SFXN4: variants seen among roughly 807,000 people sequenced by gnomAD.
SFXN4 encodes sideroflexin 4.
Under a neutral mutation model 54.6 loss-of-function variants are expected in SFXN4, and 48 were observed. That is an observed-to-expected ratio of 0.88 (90% CI 0.70 to 1.12). The LOEUF is 1.12. Among genes scored for constraint, SFXN4 ranks in the 50% most tolerant of loss-of-function variants. The pLI is 0.00. For missense variants in SFXN4, 383 were observed against 409.2 expected (o/e 0.94, Z 0.55); for synonymous variants, 130 against 145.5 (o/e 0.89, Z 0.77).
intron 11 of SFXN4, among the ~76,000 whole-genome samples, chr10:119,150,352 G>A (rs753405318): frequency 6.6e-6 from 1 of 152,004 alleles, no homozygotes; most frequent in Non-Finnish European, 1.5e-5. Context: ...ACCAAGCCTG[G>A]CAGGCAGGAG....
intron 13 of SFXN4, among the ~76,000 whole-genome samples, chr10:119,145,257 TGAAAC>T (rs1307850214): frequency 4.0e-5 from 6 of 151,442 alleles, no homozygotes; most frequent in Non-Finnish European, 8.8e-5. Flanking sequence ...TGATCCTCAC[TGAAAC>T]TGATGACTCA....
At chr10:119,159,628 G>T in intron 6 of SFXN4, 100 bp downstream of exon 6, 1 of 1,265,890 alleles carries the variant, frequency 7.9e-7, no homozygotes, top group South Asian at 1.2e-5. Flanking sequence ...GCAGTCATGT[G>T]ACAGGGGTCC....
intron 11 of SFXN4, among the ~76,000 whole-genome samples, chr10:119,152,753 G>A (rs1847121523): frequency 6.6e-6 from 1 of 151,730 alleles, no homozygotes; most frequent in South Asian, 2.1e-4. Flanking sequence ...TAATATGTTT[G>A]GTGAGCTGAA....
intron 10 of SFXN4, 150 bp from the exon 11 acceptor site, chr10:119,155,327 G>A: frequency 1.6e-6 from 1 of 612,732 alleles, no homozygotes; most frequent in Middle Eastern, 3.0e-4. Flanking sequence ...CCATAGGCTG[G>A]GCCAACCAAG....
chr10:119,146,926 G>A (rs972675174), intron 12 of SFXN4, among the ~76,000 whole-genome samples: 7 of 152,080 alleles, frequency 4.6e-5, no homozygotes, highest in African/African-American at 1.2e-4. Context: ...TCCCAGCCTC[G>A]CCACACTGGT....
chr10:119,161,077 T>C lies in SFXN4; in HGVS notation c.257A>G (p.Gln86Arg). ...TACAAGACTCCGCTTCCAAGCTTCT[T>C]GTATCTTAAAGGAGAAAAAAGAATA... The part of the protein sequence containing the change: ...SSPASADQRI[Q>R]EAWKRSLATV... Residue 86 changes from glutamine (Q) to arginine (R), a missense_variant, in exon 4 of 14, where the codon CAA becomes CGA. Physicochemically the swap from Gln to Arg is conservative, Grantham distance 43. Coordinates refer to ENST00000355697, the MANE Select transcript of SFXN4 (RefSeq NM_213649.2). 1.9e-6 allele frequency: 3 copies of C among 1,614,100 alleles called. No homozygotes were observed. Among genetic ancestry groups the C allele is most frequent in the Non-Finnish European group, 1.7e-6 (2 of 1,179,942 alleles).
At chr10:119,158,241 AC>A (rs1847356663) in intron 6 of SFXN4, 179 bp from the exon 7 acceptor site, 1 of 634,102 alleles carries the variant, frequency 1.6e-6, no homozygotes, top group Non-Finnish European at 2.8e-6. Context: ...CACCTGCCAA[AC>A]ACCAAACTAG....
chr10:119,150,828 G>A (rs1233088948), intron 11 of SFXN4, among the ~76,000 whole-genome samples: 3 of 152,194 alleles, frequency 2.0e-5, no homozygotes, highest in Non-Finnish European at 4.4e-5. Flanking sequence ...GCAAGTGAAT[G>A]TCGGAGCAGC....
intron 13 of SFXN4, among the ~76,000 whole-genome samples, chr10:119,141,989 G>GT (rs1846546713): frequency 6.6e-6 from 1 of 152,144 alleles, no homozygotes; most frequent in Non-Finnish European, 1.5e-5. Context: ...ATTGCTTGAG[G>GT]TGGGGAGTTT....
At chr10:119,156,279 T>C (rs1208530982) in intron 10 of SFXN4, among the ~76,000 whole-genome samples, 2 of 151,964 alleles carry the variant, frequency 1.3e-5, no homozygotes, top group African/African-American at 4.8e-5. Context: ...AAAAAAACAA[T>C]TAGCTGGACA....
chr10:119,150,302 G>C (rs562900490), intron 11 of SFXN4, among the ~76,000 whole-genome samples: 2 of 152,186 alleles, frequency 1.3e-5, no homozygotes, highest in East Asian at 3.9e-4. Flanking sequence ...TGGGGAGACG[G>C]GGCTCTCACT....
Position 119,156,685 on chromosome 10 carries a change from G to A in SFXN4, c.609C>T (p.Ile203=), listed in dbSNP as rs775336417. ...GPWIKRLLPV[I]FLVQASGMNV... is the part of the protein sequence containing the mutation. Reference sequence around the variant, plus strand: ...CCAGCCCTTCCTGCTCACCGAGGAAGATCACAGGTAAGAGTCTTTTAATCC... The same window carrying A: ...CCAGCCCTTCCTGCTCACCGAGGAAAATCACAGGTAAGAGTCTTTTAATCC... Residue 203 remains isoleucine, a synonymous_variant, in exon 10 of 14, where the codon ATC becomes ATT. Transcript: ENST00000355697. The A allele has an allele frequency of 1.2e-5, 19 of 1,609,464 alleles. No homozygotes were observed. The highest frequency in any genetic ancestry group is 1.5e-5 in the Non-Finnish European group (18 of 1,177,446).
Position 119,141,175 on chromosome 10 carries a change from C to T in SFXN4, c.*67G>A, listed in dbSNP as rs1412049015. ...CCCAGAAGACCTGTGGCAAAGTTCT[C>T]TAAACCGAACCTGGAGAGGGGAAGG... On this transcript the variant is annotated 3_prime_UTR_variant, in exon 14 of 14. Coordinates refer to ENST00000355697, the MANE Select transcript of SFXN4 (RefSeq NM_213649.2). The T allele has an allele frequency of 1.6e-6, 2 of 1,266,200 alleles. No individual in the cohort carries two copies. Among genetic ancestry groups the T allele is most frequent in the Middle Eastern group, 1.9e-4 (1 of 5,246 alleles). 78.4% of individuals were successfully genotyped at this position (1,266,200 alleles called of 1,614,324 possible).
intron 11 of SFXN4, among the ~76,000 whole-genome samples, chr10:119,154,832 CAGAA>C (rs1391030093): frequency 6.6e-6 from 1 of 152,138 alleles, no homozygotes; most frequent in African/African-American, 2.4e-5. Flanking sequence ...GACCCTGTCT[CAGAA>C]AGAAAGATTA....
chr10:119,158,741 G>T (rs1414796719), intron 6 of SFXN4, among the ~76,000 whole-genome samples: 4 of 151,246 alleles, frequency 2.6e-5, no homozygotes, highest in Non-Finnish European at 4.4e-5. Flanking sequence ...CCAGCACTCT[G>T]GTAGGCCAAA....
At chr10:119,163,179 C>A (rs1211338579) in intron 2 of SFXN4, among the ~76,000 whole-genome samples, 1 of 152,004 alleles carries the variant, frequency 6.6e-6, no homozygotes, top group African/African-American at 2.4e-5. Flanking sequence ...CCAGAATTAA[C>A]AACTGTAAAC....
rs1589645871 is a variant in SFXN4, at chr10:119,159,589, A to G, written c.360+139T>C. 9 of 883,806 alleles carry G rather than the reference A, an allele frequency of 1.0e-5. No individual in the cohort carries two copies. The Admixed American group carries it at 1.5e-4, about 14-fold the overall frequency. The allele number at this position is 883,806 out of a possible 1,614,324, so 54.7% of individuals were successfully genotyped here. On this transcript the variant is annotated intron_variant, in intron 6 of 13. Coordinates refer to ENST00000355697, the MANE Select transcript of SFXN4 (RefSeq NM_213649.2). ...GACGTATGAACAGCAGCCATGGGTT[A>G]TCAGTGGGGATCCACAACCATCTAT... is the stretch of plus-strand genomic sequence containing the variant.
rs372658651 is a variant in SFXN4, at chr10:119,143,704, G to A, written c.937-2385C>T. ...GTTGTCCTGGCTGGTCTTGAACGCCGGGGCTCAAGTGATCCTCCCACTTGG... is the reference window on the plus strand; with the variant it reads ...GTTGTCCTGGCTGGTCTTGAACGCCAGGGCTCAAGTGATCCTCCCACTTGG... On this transcript the variant is annotated intron_variant, in intron 13 of 13. Coordinates refer to ENST00000355697, the MANE Select transcript of SFXN4 (RefSeq NM_213649.2). Among the ~76,000 whole-genome samples the A allele has an allele frequency of 2.5e-3, 375 of 151,348 alleles. 3 individuals carry two copies. Among genetic ancestry groups the A allele is most frequent in the East Asian group, 6.5e-3 (33 of 5,102 alleles).
At chr10:119,160,801 T>C (rs1847496671) in intron 5 of SFXN4, 114 bp downstream of exon 5, 1 of 1,045,418 alleles carries the variant, frequency 9.6e-7, no homozygotes, top group Non-Finnish European at 1.5e-6. Context: ...GGTTTCACCA[T>C]GTTGGCCAGG....
Sources: gnomAD v4.1 joint callset for allele counts (sites outside exome capture counted in the v4.1 genomes callset) on GRCh38, gnomAD v4.1.1 for gene constraint, MANE v1.5 for transcripts, NCBI Gene and HGNC (gene_info 2026-07-23, HGNC 2026-07-21) for gene names.